TANC2: variants seen among roughly 807,000 people sequenced by gnomAD.
The protein encoded by TANC2 is protein TANC2.
Under a neutral mutation model 210.5 loss-of-function variants are expected in TANC2, and 26 were observed. That is an observed-to-expected ratio of 0.12 (90% CI 0.09 to 0.17). The LOEUF is 0.17. Ranked by LOEUF, TANC2 falls within the 10% of genes least tolerant of loss-of-function variation. The probability of loss-of-function intolerance (pLI) is 1.00; values close to 1 mark genes in which losing one functional copy is unlikely to be tolerated. For missense variants in TANC2, 2,129 were observed against 2,608.9 expected (o/e 0.82, Z 4.01); for synonymous variants, 931 against 967.1 (o/e 0.96, Z 0.69).
rs1419984216 is a variant in TANC2, at chr17:63,151,246, C to T, written c.323-24C>T. On this transcript the variant is annotated intron_variant, in intron 4 of 27. Transcript: ENST00000689528. ...TCTTGCTCTCTCTGTCTCTTGCTTGCTCTCTCTCTCTTTTTGTTCTTAGCC... is the reference window on the plus strand; with the variant it reads ...TCTTGCTCTCTCTGTCTCTTGCTTGTTCTCTCTCTCTTTTTGTTCTTAGCC... The T allele has an allele frequency of 4.4e-6, 4 of 918,566 alleles. No homozygotes were observed. The African/African-American group carries it at 5.4e-5, about 12-fold the overall frequency. 56.9% of individuals were successfully genotyped at this position (918,566 alleles called of 1,614,324 possible).
intron 19 of TANC2, among the ~76,000 whole-genome samples, chr17:63,404,580 C>T (rs1018384082): frequency 1.3e-5 from 2 of 152,164 alleles, no homozygotes; most frequent in African/African-American, 4.8e-5. Context: ...GTACCAGAAA[C>T]TTCTGTATCA....
At chr17:63,338,353 A>T (rs1459020852) in intron 11 of TANC2, among the ~76,000 whole-genome samples, 1 of 152,228 alleles carries the variant, frequency 6.6e-6, no homozygotes, top group Non-Finnish European at 1.5e-5. Context: ...TAATAAAATC[A>T]GTAAAATAAT....
intron 4 of TANC2, among the ~76,000 whole-genome samples, chr17:63,106,177 G>C (rs2037815944): frequency 6.6e-6 from 1 of 151,500 alleles, no homozygotes. Context: ...TATTTCTGTA[G>C]TCTTCCAAAT....
chr17:63,063,531 CGT>C (rs59132639), intron 2 of TANC2, among the ~76,000 whole-genome samples: 4,038 of 108,074 alleles, frequency 0.037, 93 homozygotes, highest in Middle Eastern at 0.079. Flanking sequence ...GGGACAAAGA[CGT>C]GTGTGTGTGT....
chr17:63,311,450 A>G (rs535896426), intron 9 of TANC2, among the ~76,000 whole-genome samples: 3 of 152,344 alleles, frequency 2.0e-5, no homozygotes, highest in South Asian at 4.1e-4. Context: ...CTCAGAATAC[A>G]TGCTAATAGC....
chr17:63,186,762 G>A (rs368717547), intron 5 of TANC2, among the ~76,000 whole-genome samples: 1 of 152,108 alleles, frequency 6.6e-6, no homozygotes, highest in Non-Finnish European at 1.5e-5. Context: ...TTCTGGGAGC[G>A]TAGCCTAATG....
intron 3 of TANC2, among the ~76,000 whole-genome samples, chr17:63,089,932 A>G (rs1383130741): frequency 3.3e-5 from 5 of 152,170 alleles, no homozygotes; most frequent in Non-Finnish European, 5.9e-5. Context: ...AGGTTTTTTA[A>G]AAGTCAGGTT....
At chr17:63,230,152 G>A (rs1390871647) in intron 7 of TANC2, among the ~76,000 whole-genome samples, 1 of 151,924 alleles carries the variant, frequency 6.6e-6, no homozygotes. Context: ...ATTTTTTATT[G>A]TGTCTATTTG....
intron 14 of TANC2, among the ~76,000 whole-genome samples, chr17:63,379,223 A>G (rs1415510007): frequency 1.3e-5 from 2 of 152,224 alleles, no homozygotes; most frequent in East Asian, 1.9e-4. Flanking sequence ...GTATTTATAC[A>G]TGTGATTTGG....
In TANC2 at chr17:63,289,589, A is replaced by G. The variant is rs149661226; in HGVS notation, c.1159+21716A>G. ...CATCTCTTTGCTTACATTACCCACT[A>G]TTGTTGCATGCTGTCTACTTTATCC... On this transcript the variant is annotated intron_variant, in intron 9 of 27. Transcript: ENST00000689528. Among the ~76,000 whole-genome samples, 24 of 152,120 alleles carry G rather than the reference A, an allele frequency of 1.6e-4. No homozygotes were observed. In the East Asian group the frequency reaches 3.9e-3, roughly 24 times the overall value.
At chr17:63,241,857 G>C (rs2042783367) in intron 8 of TANC2, among the ~76,000 whole-genome samples, 1 of 152,134 alleles carries the variant, frequency 6.6e-6, no homozygotes, top group Non-Finnish European at 1.5e-5. Context: ...TTGTTACTCA[G>C]CTATACTGAT....
exon 22 of TANC2, chr17:63,411,649 C>T: frequency 6.2e-7 from 1 of 1,613,736 alleles, no homozygotes; most frequent in Non-Finnish European, 8.5e-7. Flanking sequence ...GGCCGTACCC[C>T]ACTGGATCTG....
At chr17:63,141,788 A>G (rs2145317385) in intron 4 of TANC2, among the ~76,000 whole-genome samples, 1 of 152,194 alleles carries the variant, frequency 6.6e-6, no homozygotes, top group East Asian at 1.9e-4. Context: ...CCATTTAAAT[A>G]CTCATTTTAA....
chr17:63,116,901 C>G (rs970902230), intron 4 of TANC2: 12 of 151,994 alleles, frequency 7.9e-5, no homozygotes, highest in Non-Finnish European at 1.8e-4. Flanking sequence ...TTTAAATTAC[C>G]TCAATTGCAT....
At chr17:63,026,193 C>T (rs772275910) in intron 2 of TANC2, among the ~76,000 whole-genome samples, 6 of 151,902 alleles carry the variant, frequency 3.9e-5, no homozygotes, top group Admixed American at 1.3e-4. Flanking sequence ...GTCTCTGTAG[C>T]GATTATCATT....
chr17:63,138,567 C>T (rs527817044), intron 4 of TANC2, among the ~76,000 whole-genome samples: 3 of 152,066 alleles, frequency 2.0e-5, no homozygotes, highest in African/African-American at 7.2e-5. Context: ...TATCCTGTCC[C>T]TTCTTGTCAA....
intron 3 of TANC2, chr17:63,088,934 ACAT>A (rs2037078416): frequency 6.6e-6 from 1 of 152,188 alleles, no homozygotes; most frequent in Non-Finnish European, 1.5e-5. Context: ...CTGCAGAATA[ACAT>A]TAGCACTCCT....
chr17:63,324,750 T>TA (rs1235065347), intron 11 of TANC2, among the ~76,000 whole-genome samples: 1 of 152,164 alleles, frequency 6.6e-6, no homozygotes, highest in Non-Finnish European at 1.5e-5. Context: ...TGTTTATTGT[T>TA]AATTTCTATG....
At chr17:63,352,430 A>G (rs2046640724) in intron 13 of TANC2, among the ~76,000 whole-genome samples, 1 of 152,168 alleles carries the variant, frequency 6.6e-6, no homozygotes, top group African/African-American at 2.4e-5. Context: ...AAGTAGTTTG[A>G]GCTAAAGGAT....
Sources: gnomAD v4.1 joint callset for allele counts (sites outside exome capture counted in the v4.1 genomes callset) on GRCh38, gnomAD v4.1.1 for gene constraint, MANE v1.5 for transcripts, NCBI Gene and HGNC (gene_info 2026-07-23, HGNC 2026-07-21) for gene names.